The following RBFOX1 variants were observed in gnomAD, a reference collection of about 807,000 sequenced individuals.
RBFOX1 encodes RNA binding protein fox-1 homolog 1.
RBFOX1 carries 8 observed loss-of-function variants against 57.7 expected under a neutral mutation model. That is an observed-to-expected ratio of 0.14 (90% CI 0.08 to 0.25). RBFOX1 has a LOEUF of 0.25. Among genes scored for constraint, RBFOX1 ranks in the 10% least tolerant of loss-of-function variants. The pLI, the probability that RBFOX1 is intolerant of heterozygous loss-of-function variation, is 1.00. For synonymous variants in RBFOX1, 326 were observed against 222.4 expected (o/e 1.47, Z -4.15); for missense variants, 611 against 548.5 (o/e 1.11, Z -1.14).
chr16:6,668,684 G>A (rs1193902855), intron 3 of RBFOX1, among the ~76,000 whole-genome samples: 1 of 152,128 alleles, frequency 6.6e-6, no homozygotes, highest in African/African-American at 2.4e-5. Context: ...TTTTAAAAGT[G>A]TGATTTGTCT....
intron 3 of RBFOX1, among the ~76,000 whole-genome samples, chr16:7,045,476 T>C (rs899267886): frequency 1.3e-5 from 2 of 152,180 alleles, no homozygotes; most frequent in African/African-American, 4.8e-5. Flanking sequence ...TTGGCTACTG[T>C]TGGATTTTGC....
chr16:5,359,004 G>C (rs2065470782), intron 1 of RBFOX1, among the ~76,000 whole-genome samples: 2 of 152,032 alleles, frequency 1.3e-5, no homozygotes, highest in South Asian at 4.1e-4. Context: ...TCTACTCTCT[G>C]TTTCCATGAG....
At position 5,947,213 on chromosome 16, in the gene RBFOX1, C is replaced by G. The variant is rs141258736; in HGVS notation, c.351+79878C>G. 1.9e-3 allele frequency among the ~76,000 whole-genome samples: 292 copies of G among 152,174 alleles called. No homozygotes were observed. The highest frequency in any genetic ancestry group is 6.6e-3 in the African/African-American group (275 of 41,502). On this transcript the variant is annotated intron_variant, in intron 4 of 19. Coordinates refer to the RBFOX1 transcript ENST00000641259. This position sits in a 1 kb window ranked among gnomAD's most constrained non-coding sequence, Gnocchi z 7.2. ...CCTGGGTGGCAGAGTGAGACTCTGT[C>G]TCTAAAACAAAACAAACCAGAAGAA... is the stretch of plus-strand genomic sequence containing the variant.
intron 3 of RBFOX1, among the ~76,000 whole-genome samples, chr16:5,798,191 T>C (rs1338011561): frequency 6.6e-6 from 1 of 152,184 alleles, no homozygotes; most frequent in East Asian, 1.9e-4. Context: ...GGAAATGATA[T>C]GTGTAAAAAG....
chr16:5,863,330 G>A (rs1037991767), intron 3 of RBFOX1, among the ~76,000 whole-genome samples: 17 of 152,260 alleles, frequency 1.1e-4, no homozygotes, highest in African/African-American at 3.6e-4. Flanking sequence ...TGCACCCTGC[G>A]CTGGTCCACA....
chr16:5,284,500 C>G (rs186193688), intron 1 of RBFOX1, among the ~76,000 whole-genome samples: 5 of 150,780 alleles, frequency 3.3e-5, no homozygotes, highest in East Asian at 3.9e-4. Flanking sequence ...AAACAAGACA[C>G]AAACAAACAG....
intron 1 of RBFOX1, among the ~76,000 whole-genome samples, chr16:6,220,098 A>G (rs68116725): frequency 0.18 from 27,133 of 151,984 alleles, 2,763 homozygotes; most frequent in Middle Eastern, 0.34. Context: ...CTATATGTAC[A>G]TATATAAGGG....
intron 3 of RBFOX1, among the ~76,000 whole-genome samples, chr16:6,700,089 C>T (rs1228383901): frequency 6.6e-6 from 1 of 152,114 alleles, no homozygotes; most frequent in Non-Finnish European, 1.5e-5. Context: ...CTCACCGTAG[C>T]ATCCCTGAAT....
intron 2 of RBFOX1, among the ~76,000 whole-genome samples, chr16:6,452,607 C>G (rs1035244306): frequency 3.9e-5 from 6 of 152,182 alleles, no homozygotes; most frequent in African/African-American, 4.8e-5. Flanking sequence ...ACTCAACTAT[C>G]TAAGCAAATA....
At chr16:5,906,474 C>G (rs1370686372) in intron 4 of RBFOX1, among the ~76,000 whole-genome samples, 1 of 152,170 alleles carries the variant, frequency 6.6e-6, no homozygotes, top group African/African-American at 2.4e-5. Flanking sequence ...AGGAACCAAA[C>G]CTGCCAACGC....
chr16:7,101,933 G>T (rs1446271664), intron 4 of RBFOX1, among the ~76,000 whole-genome samples: 1 of 152,086 alleles, frequency 6.6e-6, no homozygotes, highest in African/African-American at 2.4e-5. Flanking sequence ...AAGCATAGTT[G>T]GTGCTCCTTT....
At chr16:6,094,056 C>G (rs1377908751) in intron 1 of RBFOX1, among the ~76,000 whole-genome samples, 1 of 152,080 alleles carries the variant, frequency 6.6e-6, no homozygotes, top group Non-Finnish European at 1.5e-5. Flanking sequence ...GTTAGTGGTC[C>G]TCGACATGAC....
intron 3 of RBFOX1, among the ~76,000 whole-genome samples, chr16:5,744,114 C>T (rs2052882479): frequency 6.6e-6 from 1 of 152,154 alleles, no homozygotes; most frequent in East Asian, 1.9e-4. Context: ...GCTACCATGC[C>T]CTGAAAAGAA....
intron 4 of RBFOX1, among the ~76,000 whole-genome samples, chr16:7,161,317 G>T (rs553612087): frequency 6.6e-6 from 1 of 151,786 alleles, no homozygotes; most frequent in East Asian, 1.9e-4. Context: ...TTTGCTAACC[G>T]TTTTAAATGA....
chr16:5,327,970 C>T (rs1301113647), intron 1 of RBFOX1, among the ~76,000 whole-genome samples: 3 of 152,112 alleles, frequency 2.0e-5, no homozygotes, highest in African/African-American at 7.2e-5. Context: ...TGAGGAGAAT[C>T]CCAGGAGAAA....
intron 3 of RBFOX1, among the ~76,000 whole-genome samples, chr16:6,734,057 A>G (rs923768508): frequency 8.5e-5 from 13 of 152,224 alleles, no homozygotes; most frequent in African/African-American, 2.9e-4. Flanking sequence ...TGGTCATTTT[A>G]GAGAACTTAT....
intron 3 of RBFOX1, among the ~76,000 whole-genome samples, chr16:6,687,504 G>C (rs545713450): frequency 1.3e-5 from 2 of 152,302 alleles, no homozygotes; most frequent in African/African-American, 4.8e-5. Flanking sequence ...TGCTAGTCAG[G>C]ATAAGCTAGT....
intron 3 of RBFOX1, among the ~76,000 whole-genome samples, chr16:6,805,216 A>C (rs2086459407): frequency 6.6e-6 from 1 of 152,214 alleles, no homozygotes. Context: ...CAGCCATAAA[A>C]AATGAGATCC....
chr16:6,523,883 A>C (rs1190679901), intron 2 of RBFOX1, among the ~76,000 whole-genome samples: 1 of 152,194 alleles, frequency 6.6e-6, no homozygotes, highest in South Asian at 2.1e-4. Flanking sequence ...TTATGAGTAC[A>C]TAATAGGTAT....
Sources: gnomAD v4.1 joint callset for allele counts (sites outside exome capture counted in the v4.1 genomes callset) on GRCh38, gnomAD v4.1.1 for gene constraint, Gnocchi (gnomAD v3.1) non-coding constraint, MANE v1.5 for transcripts, NCBI Gene and HGNC (gene_info 2026-07-23, HGNC 2026-07-21) for gene names.